KLHL25: variants seen among roughly 807,000 people sequenced by gnomAD.
KLHL25 encodes kelch-like protein 25.
In KLHL25, 41 loss-of-function variants were observed where a neutral mutation model predicts 30.0. That is an observed-to-expected ratio of 1.37 (90% CI 1.07 to 1.78). The LOEUF is 1.78. KLHL25 is among the 40% of genes most tolerant of loss of function. The pLI, the probability that KLHL25 is intolerant of heterozygous loss-of-function variation, is 0.00. For missense variants in KLHL25, 971 were observed against 824.5 expected (o/e 1.18, Z -2.18); for synonymous variants, 399 against 355.3 (o/e 1.12, Z -1.38).
intron 1 of KLHL25, among the ~76,000 whole-genome samples, chr15:85,772,811 C>T (rs2089686000): frequency 6.6e-6 from 1 of 152,254 alleles, no homozygotes; most frequent in South Asian, 2.1e-4. Context: ...AGATACCCTG[C>T]CAAAGTCGGC....
chr15:85,783,675 G>A lies in KLHL25; in HGVS notation c.-11+11091C>T, dbSNP rs1597280251. On this transcript the variant is annotated intron_variant, in intron 1 of 2. Transcript: ENST00000337975. ...CCACTGCACTCCAGCCTGGGTGACA[G>A]AGCAAGACTCCACCTCAATAAAAAA... Among the ~76,000 whole-genome samples the A allele has an allele frequency of 4.3e-5, 6 of 139,922 alleles. 1 individual carries two copies. Among genetic ancestry groups the A allele is most frequent in the African/African-American group, 1.6e-4 (6 of 37,056 alleles). 91.8% of individuals were successfully genotyped at this position (139,922 alleles called of 152,430 possible). A position where few individuals can be genotyped will look rare whatever the true frequency, so the allele number is the denominator to read the frequency against.
chr15:85,794,047 CAG>C (rs2089834662), intron 1 of KLHL25, among the ~76,000 whole-genome samples: 2 of 152,274 alleles, frequency 1.3e-5, no homozygotes, highest in Non-Finnish European at 2.9e-5. Flanking sequence ...ACGAAAGAGA[CAG>C]GGGGAGTGGG....
chr15:85,788,422 G>C (rs2089795116), intron 1 of KLHL25, among the ~76,000 whole-genome samples: 3 of 152,192 alleles, frequency 2.0e-5, no homozygotes, highest in Admixed American at 2.0e-4. Flanking sequence ...TCAGTCTGTT[G>C]TCTGCCTCCC....
chr15:85,766,190 G>A (rs564013077), intron 2 of KLHL25, among the ~76,000 whole-genome samples: 197 of 152,370 alleles, frequency 1.3e-3, no homozygotes, highest in African/African-American at 4.7e-3. Context: ...CACACGTGGG[G>A]ATCACTGCCA....
At chr15:85,779,569 A>G (rs988294961) in intron 1 of KLHL25, among the ~76,000 whole-genome samples, 1 of 152,252 alleles carries the variant, frequency 6.6e-6, no homozygotes, top group Non-Finnish European at 1.5e-5. Flanking sequence ...TACTATTTTC[A>G]CTATGGCTTA....
At chr15:85,790,120 G>A (rs1211808659) in intron 1 of KLHL25, among the ~76,000 whole-genome samples, 6 of 152,064 alleles carry the variant, frequency 3.9e-5, no homozygotes, top group African/African-American at 7.2e-5. Context: ...ACGGAGTTTC[G>A]CTCTTGTCAC....
chr15:85,791,948 C>G (rs1385887775), intron 1 of KLHL25, among the ~76,000 whole-genome samples: 1 of 152,186 alleles, frequency 6.6e-6, no homozygotes, highest in Non-Finnish European at 1.5e-5. Flanking sequence ...TAACAGGGAG[C>G]CCTTCCTATC....
At position 85,760,379 on chromosome 15, in the gene KLHL25, A is replaced by C. The variant is rs999411825; in HGVS notation, c.*657T>G. 1.3e-5 allele frequency: 2 copies of C among 152,248 alleles called. No homozygotes were observed. Among genetic ancestry groups the C allele is most frequent in the African/African-American group, 4.8e-5 (2 of 41,452 alleles). 9.4% of individuals were successfully genotyped at this position (152,248 alleles called of 1,614,324 possible). A position where few individuals can be genotyped will look rare whatever the true frequency, so the allele number is the denominator to read the frequency against. ...CCCCACCGGGCCACAGCACTGAGCAAGGCCCTGAGTAGGTGGGCTGGGACT... is the reference window on the plus strand; with the variant it reads ...CCCCACCGGGCCACAGCACTGAGCACGGCCCTGAGTAGGTGGGCTGGGACT... On this transcript the variant is annotated 3_prime_UTR_variant, in exon 3 of 3. Transcript: ENST00000337975.
intron 1 of KLHL25, among the ~76,000 whole-genome samples, chr15:85,771,924 G>C (rs1017750795): frequency 1.3e-5 from 2 of 152,246 alleles, no homozygotes; most frequent in African/African-American, 4.8e-5. Flanking sequence ...GAGCCTGAGA[G>C]ACTGCGCTGA....
chr15:85,767,727 C>G (rs2089634176), intron 2 of KLHL25, among the ~76,000 whole-genome samples: 1 of 152,238 alleles, frequency 6.6e-6, no homozygotes, highest in South Asian at 2.1e-4. Context: ...CCACACAGCA[C>G]TGTCAAAAGG....
chr15:85,760,653 C>G lies in KLHL25; in HGVS notation c.*383G>C, dbSNP rs1053076911. On this transcript the variant is annotated 3_prime_UTR_variant, in exon 3 of 3. Coordinates refer to ENST00000337975, the MANE Select transcript of KLHL25 (RefSeq NM_022480.4). The stretch of plus-strand genomic sequence containing the variant: ...GTGTGGCAGTGCCGCAGCCCCAAAG[C>G]CCACCCGGGGCGCCTCCCTGCCCCT... 2.6e-5 allele frequency: 4 copies of G among 152,558 alleles called. No individual in the cohort carries two copies. The highest frequency in any genetic ancestry group is 5.9e-5 in the Non-Finnish European group (4 of 68,284). The allele number at this position is 152,558 out of a possible 1,614,324, so 9.5% of individuals were successfully genotyped here. A position where few individuals can be genotyped will look rare whatever the true frequency, so the allele number is the denominator to read the frequency against.
At chr15:85,791,390 G>T (rs887919096) in intron 1 of KLHL25, among the ~76,000 whole-genome samples, 5 of 152,128 alleles carry the variant, frequency 3.3e-5, no homozygotes, top group Non-Finnish European at 5.9e-5. Flanking sequence ...AGCTACTCAG[G>T]AGGCTGAGGC....
intron 1 of KLHL25, among the ~76,000 whole-genome samples, chr15:85,791,076 A>G (rs925393752): frequency 1.3e-5 from 2 of 151,678 alleles, no homozygotes; most frequent in African/African-American, 2.4e-5. Context: ...GGGTGCCTGT[A>G]ATCCCAGCTA....
intron 2 of KLHL25, chr15:85,763,900 A>AG (rs2089600091): frequency 6.6e-6 from 1 of 152,328 alleles, no homozygotes; most frequent in Admixed American, 6.5e-5. Context: ...TCTAGGTGGC[A>AG]GACGACGATG....
rs576510399 is a variant in KLHL25, at chr15:85,769,187, C to T, written c.624G>A (p.Arg208=). Reference sequence around the variant, plus strand: ...ACTGGAGGATGGCCTCGAAGACCACCCGCTCGTCCTCGGTCTCCAGCTCAT... The same window carrying T: ...ACTGGAGGATGGCCTCGAAGACCACTCGCTCGTCCTCGGTCTCCAGCTCAT... ...SSDELETEDE[R]VVFEAILQWV... Residue 208 remains arginine, a synonymous_variant, in exon 2 of 3, where the codon CGG becomes CGA. Coordinates refer to ENST00000337975, the MANE Select transcript of KLHL25 (RefSeq NM_022480.4). 6.2e-7 allele frequency: 1 copy of T among 1,613,558 alleles called. No homozygotes were observed. Among genetic ancestry groups the T allele is most frequent in the South Asian group, 1.1e-5 (1 of 91,084 alleles).
intron 1 of KLHL25, among the ~76,000 whole-genome samples, chr15:85,777,857 A>C (rs1294519937): frequency 6.6e-6 from 1 of 152,204 alleles, no homozygotes; most frequent in African/African-American, 2.4e-5. Flanking sequence ...TGCTGCTAAA[A>C]ATCAGCAGGG....
intron 2 of KLHL25, chr15:85,761,311 G>T (rs927159919): frequency 6.6e-6 from 1 of 152,280 alleles, no homozygotes; most frequent in East Asian, 1.9e-4. Flanking sequence ...TACTTGATTC[G>T]AATGGCCAGG....
intron 1 of KLHL25, among the ~76,000 whole-genome samples, chr15:85,773,217 G>GGAC (rs2089688592): frequency 2.0e-5 from 3 of 152,138 alleles, no homozygotes; most frequent in Non-Finnish European, 4.4e-5. Flanking sequence ...TCCCGGCACA[G>GGAC]AGGTCACTTG....
intron 1 of KLHL25, among the ~76,000 whole-genome samples, chr15:85,781,000 G>A (rs533145528): frequency 2.0e-5 from 3 of 152,106 alleles, no homozygotes; most frequent in Non-Finnish European, 2.9e-5. Flanking sequence ...ATAAACCTGG[G>A]TACACGCACA....
Sources: allele counts gnomAD v4.1 joint callset (sites outside exome capture counted in the v4.1 genomes callset), GRCh38; gene constraint gnomAD v4.1.1; transcripts MANE v1.5; gene names NCBI Gene and HGNC (gene_info 2026-07-23, HGNC 2026-07-21).